The following CLCN3 variants were observed in gnomAD, a reference collection of about 807,000 sequenced individuals.
CLCN3 encodes the protein Cl-/H+ antiporter 3, also known as H(+)/Cl(-) exchange transporter 3.
Under a neutral mutation model 83.4 loss-of-function variants are expected in CLCN3, and 16 were observed. That is an observed-to-expected ratio of 0.19 (90% CI 0.13 to 0.29). The LOEUF (loss-of-function observed/expected upper bound fraction) is 0.29. Ranked by LOEUF, CLCN3 falls within the 10% of genes least tolerant of loss-of-function variation. The pLI is 1.00. For synonymous variants in CLCN3, 322 were observed against 346.2 expected, an observed-to-expected ratio of 0.93 and a Z score of 0.78; for missense variants, 544 against 1,006.0, an observed-to-expected ratio of 0.54 and a Z score of 6.21.
At chr4:169,643,366 G>C (rs1381397986) in intron 2 of CLCN3, among the ~76,000 whole-genome samples, 4 of 152,068 alleles carry the variant, frequency 2.6e-5, no homozygotes, top group Non-Finnish European at 1.5e-5. Context: ...AAGTAGCTGG[G>C]ATTACAGGCA....
chr4:169,692,508 C>T (rs538252959), intron 7 of CLCN3, among the ~76,000 whole-genome samples, 188 bp downstream of exon 7: 68 of 152,218 alleles, frequency 4.5e-4, no homozygotes, highest in South Asian at 2.3e-3. Context: ...CTGCTCAGTT[C>T]GTCTTACATT....
At chr4:169,681,033 T>C (rs1731916724) in intron 3 of CLCN3, among the ~76,000 whole-genome samples, 1 of 151,998 alleles carries the variant, frequency 6.6e-6, no homozygotes. Context: ...ACAAAATACG[T>C]TTTTTAAAAA....
At chr4:169,655,106 C>G (rs1730843418) in intron 2 of CLCN3, among the ~76,000 whole-genome samples, 1 of 152,078 alleles carries the variant, frequency 6.6e-6, no homozygotes, top group Non-Finnish European at 1.5e-5. Flanking sequence ...ATCTTACAAT[C>G]TACTTTGATA....
chr4:169,654,038 A>G (rs552767057), intron 2 of CLCN3, among the ~76,000 whole-genome samples: 2 of 152,232 alleles, frequency 1.3e-5, no homozygotes, highest in South Asian at 4.1e-4. Flanking sequence ...AATTACTAGA[A>G]AACAATTTTT....
chr4:169,658,898 A>G (rs934826934), intron 2 of CLCN3, among the ~76,000 whole-genome samples: 4 of 152,088 alleles, frequency 2.6e-5, no homozygotes, highest in Admixed American at 6.6e-5. Flanking sequence ...AAATATAAAA[A>G]CTTGATTTAA....
chr4:169,660,564 G>C (rs1731020906), intron 2 of CLCN3: 2 of 595,540 alleles, frequency 3.4e-6, no homozygotes, highest in African/African-American at 1.9e-5. Flanking sequence ...ACGTTGTTTA[G>C]TTGCCCTGGG....
At chr4:169,696,404 A>AT (rs906719673) in intron 8 of CLCN3, among the ~76,000 whole-genome samples, 8 of 151,502 alleles carry the variant, frequency 5.3e-5, no homozygotes, top group Admixed American at 4.0e-4. Flanking sequence ...GTAACCAGGA[A>AT]TTTTTTTTTA....
intron 6 of CLCN3, among the ~76,000 whole-genome samples, chr4:169,691,264 G>A (rs535606835): frequency 1.7e-4 from 26 of 151,850 alleles, no homozygotes; most frequent in African/African-American, 5.3e-4. Context: ...GTGATCACCC[G>A]CCTCAGCCTC....
intron 2 of CLCN3, among the ~76,000 whole-genome samples, chr4:169,640,313 T>A (rs1347249649): frequency 6.6e-6 from 1 of 152,198 alleles, no homozygotes; most frequent in East Asian, 1.9e-4. Context: ...GACATCTGGA[T>A]TAGGATTTAG....
intron 4 of CLCN3, among the ~76,000 whole-genome samples, chr4:169,688,206 A>G (rs1424098445): frequency 6.6e-6 from 1 of 152,216 alleles, no homozygotes; most frequent in Non-Finnish European, 1.5e-5. Flanking sequence ...AAGAAAAGTA[A>G]CTTAGTTTGA....
At chr4:169,623,736 A>G (rs1483815216) in intron 1 of CLCN3, among the ~76,000 whole-genome samples, 1 of 150,242 alleles carries the variant, frequency 6.7e-6, no homozygotes, top group South Asian at 2.1e-4. Context: ...TTTTTTTTTT[A>G]GATTTTACAC....
intron 1 of CLCN3, among the ~76,000 whole-genome samples, chr4:169,623,282 T>C (rs1011636093): frequency 6.6e-6 from 1 of 152,358 alleles, no homozygotes; most frequent in Non-Finnish European, 1.5e-5. Context: ...CTGAGTGTTA[T>C]ATTTGTATGT....
At chr4:169,680,282 A>T (rs1581242568) in intron 3 of CLCN3, 75 bp downstream of exon 3, 2 of 1,020,004 alleles carry the variant, frequency 2.0e-6, no homozygotes, top group Middle Eastern at 2.1e-4. Flanking sequence ...TCTGCCAATG[A>T]TCTCAGGCTG....
chr4:169,684,798 A>C (rs1254437823), intron 3 of CLCN3, among the ~76,000 whole-genome samples: 1 of 152,136 alleles, frequency 6.6e-6, no homozygotes, highest in Non-Finnish European at 1.5e-5. Context: ...TCATGCCAAA[A>C]ATCTGAACAT....
chr4:169,681,771 T>C (rs1731949794), intron 3 of CLCN3, among the ~76,000 whole-genome samples: 1 of 152,232 alleles, frequency 6.6e-6, no homozygotes, highest in African/African-American at 2.4e-5. Context: ...ATAAATAACA[T>C]TTTTACGAAA....
At chr4:169,661,861 T>A (rs1731068855) in intron 2 of CLCN3, among the ~76,000 whole-genome samples, 1 of 152,146 alleles carries the variant, frequency 6.6e-6, no homozygotes, top group Admixed American at 6.5e-5. Flanking sequence ...AGTTTTCTGG[T>A]AAGGAGTTCT....
At chr4:169,679,078 C>T (rs551094041) in intron 2 of CLCN3, among the ~76,000 whole-genome samples, 1 of 151,782 alleles carries the variant, frequency 6.6e-6, no homozygotes, top group African/African-American at 2.4e-5. Flanking sequence ...GGCGGAGACG[C>T]TCCTCACTTC....
chr4:169,683,807 G>A (rs922864794), intron 3 of CLCN3, among the ~76,000 whole-genome samples: 20 of 150,406 alleles, frequency 1.3e-4, no homozygotes, highest in African/African-American at 4.7e-4. Flanking sequence ...TCAGTGGTGC[G>A]ATCTCGACTC....
intron 10 of CLCN3, 122 bp downstream of exon 10, chr4:169,704,306 G>A (rs1732908412): frequency 6.2e-6 from 5 of 801,226 alleles, no homozygotes; most frequent in Non-Finnish European, 8.0e-6. Context: ...GTGCCAGGAG[G>A]AGATGTTTTA....
Sources: gnomAD v4.1 joint callset for allele counts (sites outside exome capture counted in the v4.1 genomes callset) on GRCh38, gnomAD v4.1.1 for gene constraint, MANE v1.5 for transcripts, NCBI Gene and HGNC (gene_info 2026-07-23, HGNC 2026-07-21) for gene names.